ST18: variants seen among roughly 807,000 people sequenced by gnomAD.
ST18 encodes the protein suppression of tumorigenicity 18 protein.
Under a neutral mutation model 110.0 loss-of-function variants are expected in ST18, and 50 were observed. That is an observed-to-expected ratio of 0.45 (90% CI 0.36 to 0.58). The LOEUF (loss-of-function observed/expected upper bound fraction) is 0.58, where lower values mean the gene tolerates loss of function less well. Among genes scored for constraint, ST18 ranks in the 20% least tolerant of loss-of-function variants. ST18 has a pLI of 0.00. For synonymous variants in ST18, 461 were observed against 452.4 expected (o/e 1.02, Z -0.24); for missense variants, 1,306 against 1,280.1 (o/e 1.02, Z -0.31).
intron 2 of ST18, chr8:52,246,529 A>C (rs1312493881): frequency 6.6e-6 from 1 of 152,176 alleles, no homozygotes; most frequent in East Asian, 1.9e-4. Flanking sequence ...AACTCTGCAT[A>C]ATAAGCCAAT....
chr8:52,249,194 A>G (rs1224878265), intron 2 of ST18, among the ~76,000 whole-genome samples: 1 of 152,186 alleles, frequency 6.6e-6, no homozygotes, highest in Non-Finnish European at 1.5e-5. Flanking sequence ...CAAAACAACA[A>G]TAACAACAAA....
At chr8:52,371,700 A>G (rs10958317) in intron 2 of ST18, among the ~76,000 whole-genome samples, 117,723 of 152,148 alleles carry the variant, frequency 0.77, 49,103 homozygotes, top group Non-Finnish European at 0.92. Context: ...CATGCATTCC[A>G]GTCAACGACA....
chr8:52,355,378 C>G (rs927470452), intron 2 of ST18, among the ~76,000 whole-genome samples: 1 of 152,130 alleles, frequency 6.6e-6, no homozygotes, highest in South Asian at 2.1e-4. Context: ...AACTGTATGC[C>G]CCCAACCCCT....
intron 8 of ST18, among the ~76,000 whole-genome samples, chr8:52,193,893 C>A (rs2075361490): frequency 6.6e-6 from 1 of 152,158 alleles, no homozygotes; most frequent in Non-Finnish European, 1.5e-5. Flanking sequence ...AACAGTTAAA[C>A]CTATAATTGA....
chr8:52,131,396 G>C (rs528975665), intron 22 of ST18, among the ~76,000 whole-genome samples: 32 of 152,330 alleles, frequency 2.1e-4, no homozygotes, highest in African/African-American at 7.2e-4. Flanking sequence ...ATGACACTCG[G>C]TGGTAAAGGA....
intron 17 of ST18, 121 bp from the exon 18 acceptor site, chr8:52,137,604 A>G: frequency 1.2e-6 from 1 of 860,110 alleles, no homozygotes; most frequent in South Asian, 1.8e-5. Context: ...AGTATAGGAC[A>G]TGCAGAAGCT....
At chr8:52,200,144 A>G (rs138019201) in intron 8 of ST18, among the ~76,000 whole-genome samples, 1 of 152,114 alleles carries the variant, frequency 6.6e-6, no homozygotes, top group African/African-American at 2.4e-5. Context: ...GATATTATCA[A>G]TGAGTTAAGA....
rs74965281 is a variant in ST18, at chr8:52,216,609, A to T, written c.-1+1137T>A. ...CTGGGGCTCATTGGGGAATAAGAAC[A>T]TAAGAAACTGAAGGCATATGTGTTT... is the stretch of plus-strand genomic sequence containing the variant. On this transcript the variant is annotated intron_variant, in intron 6 of 25. Coordinates refer to ENST00000689386, the MANE Select transcript of ST18 (RefSeq NM_001352837.2). Among the ~76,000 whole-genome samples, 762 of 152,330 alleles carry T rather than the reference A, an allele frequency of 5.0e-3. 6 individuals carry two copies. Among genetic ancestry groups the T allele is most frequent in the African/African-American group, 0.017 (725 of 41,582 alleles).
intron 23 of ST18, among the ~76,000 whole-genome samples, chr8:52,125,606 C>T (rs2046720451): frequency 6.6e-6 from 1 of 152,086 alleles, no homozygotes; most frequent in Non-Finnish European, 1.5e-5. Context: ...ATCCTCCTAT[C>T]TCAGCTTCCA....
chr8:52,134,011 G>A (rs567349976), intron 19 of ST18, among the ~76,000 whole-genome samples: 5 of 152,294 alleles, frequency 3.3e-5, no homozygotes, highest in South Asian at 2.1e-4. Flanking sequence ...GATTACAGGC[G>A]TGAGCCACTG....
chr8:52,135,568 C>CAAAAAAAAAAAAAAAA (rs71252929), intron 19 of ST18, among the ~76,000 whole-genome samples: 119 of 55,642 alleles, frequency 2.1e-3, no homozygotes, highest in Non-Finnish European at 3.0e-3. Context: ...AACTCCATCT[C>CAAAAAAAAAAAAAAAA]AAAAAAAAAA....
At chr8:52,296,095 G>A (rs2139435682) in intron 2 of ST18, among the ~76,000 whole-genome samples, 1 of 152,218 alleles carries the variant, frequency 6.6e-6, no homozygotes, top group Middle Eastern at 3.4e-3. Flanking sequence ...CAGCTGCTTG[G>A]CGTCATTTTG....
intron 15 of ST18, among the ~76,000 whole-genome samples, chr8:52,152,813 GA>G (rs959012652): frequency 3.3e-5 from 5 of 152,162 alleles, no homozygotes; most frequent in African/African-American, 1.2e-4. Context: ...AAGTGACCTA[GA>G]TGGCCGCCAA....
At chr8:52,214,658 C>T (rs1174425679) in intron 6 of ST18, among the ~76,000 whole-genome samples, 2 of 152,186 alleles carry the variant, frequency 1.3e-5, no homozygotes, top group Non-Finnish European at 2.9e-5. Flanking sequence ...CCAGACTCTT[C>T]CTGATACATA....
rs1274923651 is a variant in ST18 at position 52,239,823 on chromosome 8, T to A, written c.-464-9746A>T. ...CCAAACCCCTTTTTTGAGACAGGTC[T>A]CACTCTGTCACCCAGACTGGAGTGC... On this transcript the variant is annotated intron_variant, in intron 2 of 25. Transcript: ENST00000689386. Among the ~76,000 whole-genome samples, 3 of 152,080 alleles carry A rather than the reference T, an allele frequency of 2.0e-5. No homozygotes were observed. The East Asian group carries it at 5.8e-4, about 30-fold the overall frequency.
intron 22 of ST18, among the ~76,000 whole-genome samples, chr8:52,128,803 G>A (rs1303759176): frequency 6.6e-6 from 1 of 152,064 alleles, no homozygotes; most frequent in South Asian, 2.1e-4. Flanking sequence ...TCCTGTGCTT[G>A]TTTCATCTTC....
At chr8:52,388,851 A>G (rs943309181) in intron 2 of ST18, among the ~76,000 whole-genome samples, 3 of 148,474 alleles carry the variant, frequency 2.0e-5, no homozygotes, top group Admixed American at 6.7e-5. Flanking sequence ...GCTTTAGGAG[A>G]TATACCTAAT....
At chr8:52,292,890 G>A (rs1297324204) in intron 2 of ST18, among the ~76,000 whole-genome samples, 1 of 152,190 alleles carries the variant, frequency 6.6e-6, no homozygotes, top group Non-Finnish European at 1.5e-5. Flanking sequence ...GGAAACCTCA[G>A]ATATGGGATC....
chr8:52,192,194 A>T (rs2074738491), intron 8 of ST18, among the ~76,000 whole-genome samples: 1 of 152,158 alleles, frequency 6.6e-6, no homozygotes, highest in African/African-American at 2.4e-5. Flanking sequence ...CTCCAAAAGA[A>T]ATCAATGCTG....
Sources: allele counts gnomAD v4.1 joint callset (sites outside exome capture counted in the v4.1 genomes callset), GRCh38; gene constraint gnomAD v4.1.1; transcripts MANE v1.5; gene names NCBI Gene and HGNC (gene_info 2026-07-23, HGNC 2026-07-21).